Variants in PARD3 observed in about 807,000 individuals in gnomAD.
PARD3 encodes the protein partitioning defective 3 homolog.
Under a neutral mutation model 155.4 loss-of-function variants are expected in PARD3, and 75 were observed. That is an observed-to-expected ratio of 0.48 (90% CI 0.40 to 0.58). The LOEUF (loss-of-function observed/expected upper bound fraction) is 0.58. Ranked by LOEUF, PARD3 falls within the 20% of genes least tolerant of loss-of-function variation. The probability of loss-of-function intolerance (pLI) is 0.00; values close to 1 mark genes in which losing one functional copy is unlikely to be tolerated. For missense variants in PARD3, 1,642 were observed against 1,721.7 expected (o/e 0.95, Z 0.82); for synonymous variants, 576 against 610.5 (o/e 0.94, Z 0.83).
intron 24 of PARD3, among the ~76,000 whole-genome samples, chr10:34,112,633 C>T (rs952035085): frequency 1.3e-5 from 2 of 152,142 alleles, no homozygotes; most frequent in African/African-American, 4.8e-5. Context: ...CATCAACACA[C>T]ACAACACAGC....
At chr10:34,648,986 G>A (rs931917197) in intron 2 of PARD3, among the ~76,000 whole-genome samples, 10 of 152,104 alleles carry the variant, frequency 6.6e-5, no homozygotes, top group Non-Finnish European at 7.3e-5. Flanking sequence ...GTGGAGCTAC[G>A]TCTGCTAAGC....
intron 22 of PARD3, among the ~76,000 whole-genome samples, chr10:34,240,919 C>T (rs1953547101): frequency 6.6e-6 from 1 of 152,182 alleles, no homozygotes; most frequent in Non-Finnish European, 1.5e-5. Context: ...AGCCCACACC[C>T]TGCACACACA....
At chr10:34,566,316 C>A (rs1323108886) in intron 2 of PARD3, among the ~76,000 whole-genome samples, 1 of 152,162 alleles carries the variant, frequency 6.6e-6, no homozygotes, top group African/African-American at 2.4e-5. Context: ...AGCCTTGCAG[C>A]CTTTCACAAG....
Position 34,256,212 on chromosome 10 carries a change from C to T in PARD3, c.3419+13445G>A, listed in dbSNP as rs535468599. On this transcript the variant is annotated intron_variant, in intron 22 of 24. Transcript: ENST00000374788. The stretch of plus-strand genomic sequence containing the variant: ...CTCTACTTAGATGGACATTATCAAT[C>T]AATTCCAAGTACTGAAGCTTTTGTC... Among the ~76,000 whole-genome samples the T allele has an allele frequency of 6.6e-5, 10 of 152,346 alleles. No homozygotes were observed. The South Asian group carries it at 8.3e-4, about 13-fold the overall frequency.
chr10:34,798,995 G>C (rs994710875), intron 1 of PARD3, among the ~76,000 whole-genome samples: 1 of 152,094 alleles, frequency 6.6e-6, no homozygotes, highest in African/African-American at 2.4e-5. Flanking sequence ...TCACCCCCTT[G>C]GTTTATATGG....
At chr10:34,785,332 C>T (rs569204670) in intron 1 of PARD3, among the ~76,000 whole-genome samples, 23 of 152,286 alleles carry the variant, frequency 1.5e-4, no homozygotes, top group African/African-American at 5.1e-4. Flanking sequence ...TTTTGAAACC[C>T]CAGAAATATA....
At chr10:34,177,165 C>A (rs1253389789) in intron 22 of PARD3, among the ~76,000 whole-genome samples, 1 of 151,910 alleles carries the variant, frequency 6.6e-6, no homozygotes, top group East Asian at 1.9e-4. Context: ...TACAGGTACG[C>A]TGAAGGCAAG....
At chr10:34,124,059 A>G (rs974534781) in intron 23 of PARD3, among the ~76,000 whole-genome samples, 3 of 152,224 alleles carry the variant, frequency 2.0e-5, no homozygotes, top group African/African-American at 7.2e-5. Flanking sequence ...GTGTGTAAGT[A>G]TGTGTGGGTG....
In PARD3 at chr10:34,726,536, T is replaced by C. The variant is rs563844799; in HGVS notation, c.121-30117A>G. Among the ~76,000 whole-genome samples the C allele has an allele frequency of 4.5e-4, 68 of 152,268 alleles. No homozygotes were observed. The South Asian group carries it at 0.014, about 32-fold the overall frequency. ...AGGCAGAGGTTGCAGTGAGCCAAGA[T>C]TGTGCCACTGAACTCCAGCCTGGGC... On this transcript the variant is annotated intron_variant, in intron 1 of 24. Coordinates refer to ENST00000374788, the MANE Select transcript of PARD3 (RefSeq NM_001184785.2).
intron 2 of PARD3, among the ~76,000 whole-genome samples, chr10:34,652,807 C>T (rs899464757): frequency 1.3e-5 from 2 of 152,156 alleles, no homozygotes; most frequent in African/African-American, 4.8e-5. Flanking sequence ...TAACTAACCA[C>T]CATGTGAATT....
At chr10:34,261,429 C>T (rs2133805848) in intron 22 of PARD3, among the ~76,000 whole-genome samples, 1 of 152,266 alleles carries the variant, frequency 6.6e-6, no homozygotes, top group East Asian at 1.9e-4. Context: ...TGGCTCATGC[C>T]TGTAATCCCA....
chr10:34,669,377 T>C (rs907255425), intron 2 of PARD3, among the ~76,000 whole-genome samples: 3 of 152,176 alleles, frequency 2.0e-5, no homozygotes, highest in Admixed American at 1.3e-4. Flanking sequence ...CCACACGTTC[T>C]CACTTATAAA....
At chr10:34,283,737 G>A (rs1016593482) in intron 21 of PARD3, among the ~76,000 whole-genome samples, 6 of 151,666 alleles carry the variant, frequency 4.0e-5, no homozygotes, top group African/African-American at 9.7e-5. Flanking sequence ...ATAAAACTTC[G>A]GAGTTTTATT....
intron 1 of PARD3, among the ~76,000 whole-genome samples, chr10:34,753,188 T>C (rs766782413): frequency 3.9e-5 from 6 of 152,176 alleles, no homozygotes; most frequent in Non-Finnish European, 7.3e-5. Flanking sequence ...CTCTTCTTCA[T>C]ACATGCCCAC....
Position 34,508,717 on chromosome 10 carries a change from G to A in PARD3, c.403+8262C>T, listed in dbSNP as rs971460274. Among the ~76,000 whole-genome samples the A allele has an allele frequency of 2.6e-5, 4 of 152,162 alleles. No individual in the cohort carries two copies. In the East Asian group the frequency reaches 5.8e-4, roughly 22 times the overall value. Reference sequence around the variant, plus strand: ...ACAGACATGGTTCCAATTTGACTCTGTAAAAGTTCCACTCCATCTACCTAA... The same window carrying A: ...ACAGACATGGTTCCAATTTGACTCTATAAAAGTTCCACTCCATCTACCTAA... On this transcript the variant is annotated intron_variant, in intron 3 of 24. Coordinates refer to ENST00000374788, the MANE Select transcript of PARD3 (RefSeq NM_001184785.2).
chr10:34,179,146 T>C (rs1437113910), intron 22 of PARD3, among the ~76,000 whole-genome samples: 1 of 150,856 alleles, frequency 6.6e-6, no homozygotes, highest in Non-Finnish European at 1.5e-5. Flanking sequence ...GGAATTCATT[T>C]ATAGCACGCA....
intron 22 of PARD3, among the ~76,000 whole-genome samples, chr10:34,217,239 T>C (rs1200392190): frequency 3.9e-5 from 6 of 151,964 alleles, no homozygotes; most frequent in African/African-American, 1.4e-4. Context: ...TCTTGCGCTG[T>C]CTCTGTCTCT....
chr10:34,739,035 C>T (rs893108140), intron 1 of PARD3, among the ~76,000 whole-genome samples: 5 of 152,134 alleles, frequency 3.3e-5, no homozygotes, highest in Non-Finnish European at 5.9e-5. Flanking sequence ...AAGTAACTCA[C>T]TTTCTCCGTT....
chr10:34,636,147 T>C lies in PARD3; in HGVS notation c.222+60171A>G, dbSNP rs2490809. 1.0e-2 allele frequency among the ~76,000 whole-genome samples: 1,515 copies of C among 152,202 alleles called. 15 individuals carry two copies. Among genetic ancestry groups the C allele is most frequent in the South Asian group, 0.032 (154 of 4,826 alleles). ...AGAAGCCAAAACTCTTCAACGGTTT[T>C]TCATCCCTTGCCTGAAGGATAGATT... On this transcript the variant is annotated intron_variant, in intron 2 of 24. Coordinates refer to ENST00000374788, the MANE Select transcript of PARD3 (RefSeq NM_001184785.2).
Sources: gnomAD v4.1 joint callset for allele counts (sites outside exome capture counted in the v4.1 genomes callset) on GRCh38, gnomAD v4.1.1 for gene constraint, MANE v1.5 for transcripts, NCBI Gene and HGNC (gene_info 2026-07-23, HGNC 2026-07-21) for gene names.